The following ZDHHC7 variants were observed in gnomAD, a reference collection of about 807,000 sequenced individuals.
The protein encoded by ZDHHC7 is zDHHC palmitoyltransferase 7, also known as palmitoyltransferase ZDHHC7.
Under a neutral mutation model 34.1 loss-of-function variants are expected in ZDHHC7, and 12 were observed. The observed-to-expected ratio is 0.35, with a 90% CI of 0.23 to 0.57. The LOEUF (loss-of-function observed/expected upper bound fraction) is 0.57, where lower values mean the gene tolerates loss of function less well. ZDHHC7 is among the 20% of genes least tolerant of loss of function. ZDHHC7 has a pLI of 0.84. For missense variants in ZDHHC7, 388 were observed against 402.7 expected (o/e 0.96, Z 0.31); for synonymous variants, 185 against 155.4 (o/e 1.19, Z -1.42).
At chr16:85,000,400 T>C (rs2072638384) in intron 1 of ZDHHC7, among the ~76,000 whole-genome samples, 1 of 152,136 alleles carries the variant, frequency 6.6e-6, no homozygotes, top group African/African-American at 2.4e-5. Flanking sequence ...CCTTTACTTT[T>C]TTCCTTGGCT....
At chr16:85,007,943 T>G (rs2072739330) in intron 1 of ZDHHC7, among the ~76,000 whole-genome samples, 2 of 152,004 alleles carry the variant, frequency 1.3e-5, no homozygotes, top group South Asian at 4.1e-4. Flanking sequence ...GGTATCATAG[T>G]GAGACCCTAT....
the ZDHHC7 span, among the ~76,000 whole-genome samples, chr16:85,024,366 G>A: frequency 2.0e-5 from 3 of 151,198 alleles, no homozygotes; most frequent in African/African-American, 7.3e-5. Flanking sequence ...CCAGTAGGCA[G>A]GATTATAGGC....
At chr16:85,018,341 G>A in the ZDHHC7 span, among the ~76,000 whole-genome samples, 1 of 152,158 alleles carries the variant, frequency 6.6e-6, no homozygotes, top group Non-Finnish European at 1.5e-5. Context: ...TGAAGGGAAG[G>A]GAGCGTGGGG....
rs985338704 is a variant in ZDHHC7 at position 84,974,513 on chromosome 16, A to C, written c.*1830T>G. 6.6e-6 allele frequency: 1 copy of C among 152,592 alleles called. No individual in the cohort carries two copies. The highest frequency in any genetic ancestry group is 2.4e-5 in the African/African-American group (1 of 41,472). 9.5% of individuals were successfully genotyped at this position (152,592 alleles called of 1,614,324 possible). On this transcript the variant is annotated 3_prime_UTR_variant, in exon 8 of 8. Coordinates refer to ENST00000313732, the MANE Select transcript of ZDHHC7 (RefSeq NM_017740.3). ...TTCATATAAAAGTTACATTGAAAGAAGAGGTTGAAAAGTCAAGTATACTTG... is the reference window on the plus strand; with the variant it reads ...TTCATATAAAAGTTACATTGAAAGACGAGGTTGAAAAGTCAAGTATACTTG...
At chr16:84,988,993 A>T (rs986613709) in intron 3 of ZDHHC7, 6 of 989,306 alleles carry the variant, frequency 6.1e-6, no homozygotes, top group Non-Finnish European at 9.1e-6. Flanking sequence ...GCTGCAGCCA[A>T]GGAAGGAGAG....
chr16:84,987,965 C>T (rs892451753), intron 3 of ZDHHC7, among the ~76,000 whole-genome samples: 1 of 152,246 alleles, frequency 6.6e-6, no homozygotes, highest in East Asian at 1.9e-4. Flanking sequence ...GTCAGGAGAT[C>T]GAGACCATCC....
intron 2 of ZDHHC7, among the ~76,000 whole-genome samples, chr16:84,991,131 C>G (rs1453493196): frequency 1.3e-5 from 2 of 152,164 alleles, no homozygotes; most frequent in Non-Finnish European, 2.9e-5. Flanking sequence ...ATCTTTACAC[C>G]GCCTCATACA....
intron 1 of ZDHHC7, among the ~76,000 whole-genome samples, chr16:84,997,469 C>T (rs1252835875): frequency 3.3e-5 from 5 of 150,096 alleles, no homozygotes; most frequent in Non-Finnish European, 7.4e-5. Flanking sequence ...GACGTGGTTT[C>T]ACCATGTTAT....
intron 1 of ZDHHC7, among the ~76,000 whole-genome samples, chr16:85,003,881 T>A (rs1597561582): frequency 6.6e-6 from 1 of 151,888 alleles, no homozygotes; most frequent in African/African-American, 2.4e-5. Context: ...TGACTTCCCT[T>A]CCCCCTAGCC....
chr16:84,985,952 CAAAA>C lies in ZDHHC7; in HGVS notation c.316-3962_316-3959del, dbSNP rs58315276. Among the ~76,000 whole-genome samples, 10 of 54,026 alleles carry C rather than the reference CAAAA, an allele frequency of 1.9e-4. No homozygotes were observed. In the East Asian group the frequency reaches 3.5e-3, roughly 19 times the overall value. The allele number at this position is 54,026 out of a possible 152,430, so 35.4% of individuals were successfully genotyped here. ...CCTGGGCAACAGAGTGAGACTGTCT[CAAAA>C]AAAAAAAAAAAAAAAAAAAAGAATT... On this transcript the variant is annotated intron_variant, in intron 3 of 7. Transcript: ENST00000313732.
upstream of ZDHHC7, chr16:85,011,626 C>T (rs561762683): frequency 1.3e-5 from 2 of 152,226 alleles, no homozygotes; most frequent in Non-Finnish European, 1.5e-5. Flanking sequence ...TGAGGGGACC[C>T]GGAGGCTCTT....
chr16:84,988,786 C>T lies in ZDHHC7; in HGVS notation c.315+1518G>A, dbSNP rs754775989. The T allele has an allele frequency of 3.7e-5, 58 of 1,551,662 alleles. 1 individual carries two copies. In the South Asian group the frequency reaches 4.2e-4, roughly 11 times the overall value. ...ACAAGCAGGAGGCTTTGCACAGACTCGGTTCCCTCACCACAAATGCCCACA... is the reference window on the plus strand; with the variant it reads ...ACAAGCAGGAGGCTTTGCACAGACTTGGTTCCCTCACCACAAATGCCCACA... On this transcript the variant is annotated intron_variant, in intron 3 of 7. Coordinates refer to ENST00000313732, the MANE Select transcript of ZDHHC7 (RefSeq NM_017740.3).
chr16:84,985,825 C>T (rs769387700), intron 3 of ZDHHC7, among the ~76,000 whole-genome samples: 76 of 151,880 alleles, frequency 5.0e-4, no homozygotes, highest in Admixed American at 7.9e-4. Context: ...CATGGTGGCA[C>T]ATGCCTGTAA....
intron 3 of ZDHHC7, 51 bp from the exon 4 acceptor site, chr16:84,982,045 C>T (rs751727574): frequency 8.1e-6 from 13 of 1,608,630 alleles, no homozygotes; most frequent in African/African-American, 2.7e-5. Flanking sequence ...AAGTTAAAAA[C>T]ATCAGGCCGG....
the ZDHHC7 span, among the ~76,000 whole-genome samples, chr16:85,023,565 T>C: frequency 3.3e-5 from 5 of 152,226 alleles, no homozygotes; most frequent in Admixed American, 2.0e-4. Context: ...TGCTAATGCA[T>C]ATCACCTGCT....
intron 5 of ZDHHC7, 74 bp from the exon 6 acceptor site, chr16:84,978,079 C>A: frequency 7.9e-7 from 1 of 1,267,938 alleles, no homozygotes; most frequent in South Asian, 1.3e-5. Context: ...CCTCTGTTGT[C>A]CAGGCTGGAA....
Position 84,976,208 on chromosome 16 carries a change from C to T in ZDHHC7, c.*135G>A. 1.8e-6 allele frequency: 2 copies of T among 1,118,396 alleles called. No individual in the cohort carries two copies. The highest frequency in any genetic ancestry group is 2.6e-6 in the Non-Finnish European group (2 of 777,140). 69.3% of individuals were successfully genotyped at this position (1,118,396 alleles called of 1,614,324 possible). On this transcript the variant is annotated 3_prime_UTR_variant, in exon 8 of 8. Transcript: ENST00000313732. ...CATCTGTGACTATAAATATATAAAA[C>T]TCTGCTTGCTGCAAGCAATTGGTTT...
At chr16:84,998,749 CTTTT>C (rs71151260) in intron 1 of ZDHHC7, among the ~76,000 whole-genome samples, 22 of 112,526 alleles carry the variant, frequency 2.0e-4, no homozygotes, top group Admixed American at 5.7e-4. Flanking sequence ...CCTTCTGAAC[CTTTT>C]TTTTTTTTTT....
At chr16:84,998,363 C>T (rs1567503198) in intron 1 of ZDHHC7, among the ~76,000 whole-genome samples, 1 of 152,112 alleles carries the variant, frequency 6.6e-6, no homozygotes, top group South Asian at 2.1e-4. Flanking sequence ...GCAAGCAGAT[C>T]TCCTTGTGGT....
Sources: gnomAD v4.1 joint callset for allele counts (sites outside exome capture counted in the v4.1 genomes callset) on GRCh38, gnomAD v4.1.1 for gene constraint, MANE v1.5 for transcripts, NCBI Gene and HGNC (gene_info 2026-07-23, HGNC 2026-07-21) for gene names.